Variants in DCDC1 observed in about 807,000 individuals in gnomAD.
DCDC1 encodes the protein doublecortin domain containing 1.
A neutral mutation model predicts 178.3 loss-of-function variants in DCDC1; 200 were observed. The ratio of observed to expected loss-of-function variants is 1.12; its 90% CI spans 1.00 to 1.26. The LOEUF is 1.26. Ranked by LOEUF, DCDC1 falls within the 50% of genes most tolerant of loss-of-function variation. The probability of loss-of-function intolerance (pLI) is 0.00; values close to 1 mark genes in which losing one functional copy is unlikely to be tolerated. For missense variants in DCDC1, 1,983 were observed against 1,749.2 expected, an observed-to-expected ratio of 1.13 and a Z score of -2.38; for synonymous variants, 690 against 604.8, an observed-to-expected ratio of 1.14 and a Z score of -2.07.
chr11:31,095,534 G>T (rs142748981), intron 15 of DCDC1, among the ~76,000 whole-genome samples: 1 of 152,186 alleles, frequency 6.6e-6, no homozygotes, highest in Non-Finnish European at 1.5e-5. Flanking sequence ...GAGGATAACA[G>T]ATTGTAGAAT....
intron 9 of DCDC1, among the ~76,000 whole-genome samples, chr11:31,234,757 G>A (rs1976246621): frequency 1.3e-5 from 2 of 152,130 alleles, no homozygotes; most frequent in South Asian, 4.1e-4. Flanking sequence ...AGAACAGATA[G>A]GATGTCAGGT....
intron 12 of DCDC1, among the ~76,000 whole-genome samples, chr11:31,109,022 G>A (rs1490964737): frequency 6.6e-6 from 1 of 151,950 alleles, no homozygotes; most frequent in African/African-American, 2.4e-5. Flanking sequence ...CCTAATTAAT[G>A]TTTTTGCCCC....
At chr11:31,347,448 A>T (rs1343388452) in intron 1 of DCDC1, among the ~76,000 whole-genome samples, 6 of 151,896 alleles carry the variant, frequency 4.0e-5, no homozygotes, top group African/African-American at 1.5e-4. Flanking sequence ...AATTACCTTG[A>T]TGTAATGGTA....
intron 3 of DCDC1, among the ~76,000 whole-genome samples, chr11:31,324,832 G>C (rs932876179): frequency 6.6e-6 from 1 of 152,162 alleles, no homozygotes; most frequent in South Asian, 2.1e-4. Context: ...TGATTGAATA[G>C]ATTAGGTGTC....
chr11:31,357,922 C>A (rs1951475258), intron 1 of DCDC1, among the ~76,000 whole-genome samples: 1 of 152,118 alleles, frequency 6.6e-6, no homozygotes, highest in Admixed American at 6.5e-5. Context: ...CAAACCACTG[C>A]TCAATGAAAT....
At position 31,305,521 on chromosome 11, in the gene DCDC1, A is replaced by G. The variant is rs1014824904; in HGVS notation, c.754+94T>C. On this transcript the variant is annotated intron_variant, in intron 6 of 38. Transcript: ENST00000684477. ...GCGTAAACATTAGTTTTGTTAAACC[A>G]TGCAAAAAAGACAGGATGAAAATCA... The G allele has an allele frequency of 2.7e-5, 40 of 1,482,628 alleles. 1 individual carries two copies. The highest frequency in any genetic ancestry group is 4.1e-5 in the Admixed American group (2 of 48,966). 91.8% of individuals were successfully genotyped at this position (1,482,628 alleles called of 1,614,324 possible).
At chr11:31,330,257 T>C (rs1159278361) in intron 2 of DCDC1, among the ~76,000 whole-genome samples, 1 of 152,104 alleles carries the variant, frequency 6.6e-6, no homozygotes, top group African/African-American at 2.4e-5. Context: ...GGTTTTTTTC[T>C]TGTAAATTTG....
intron 9 of DCDC1, among the ~76,000 whole-genome samples, chr11:31,223,696 TTA>T (rs1280099498): frequency 6.6e-6 from 1 of 152,148 alleles, no homozygotes; most frequent in Non-Finnish European, 1.5e-5. Flanking sequence ...CATAACATCT[TTA>T]TATTTCAGCA....
chr11:31,208,245 C>T (rs1327909844), intron 9 of DCDC1, among the ~76,000 whole-genome samples: 2 of 152,130 alleles, frequency 1.3e-5, no homozygotes, highest in African/African-American at 4.8e-5. Context: ...ACAATCTCCC[C>T]TTCACCCCAG....
intron 27 of DCDC1, among the ~76,000 whole-genome samples, chr11:30,912,996 A>G (rs1003185870): frequency 1.3e-5 from 2 of 152,234 alleles, no homozygotes; most frequent in African/African-American, 4.8e-5. Flanking sequence ...CATCCACATG[A>G]AAGAGAACAA....
chr11:31,096,699 A>T (rs1352718669), intron 15 of DCDC1, among the ~76,000 whole-genome samples: 1 of 135,704 alleles, frequency 7.4e-6, no homozygotes, highest in Non-Finnish European at 1.6e-5. Context: ...TTGTGTTATT[A>T]AAAAAAAAAA....
Position 31,333,937 on chromosome 11 carries a change from T to A in DCDC1, c.-7+1510A>T, listed in dbSNP as rs555927309. ...TGAATGTTGGCCTACTTTGCTAGGTTGGGGAAGTTCTCCTGGATAATATCC... is the reference window on the plus strand; with the variant it reads ...TGAATGTTGGCCTACTTTGCTAGGTAGGGGAAGTTCTCCTGGATAATATCC... On this transcript the variant is annotated intron_variant, in intron 2 of 38. Coordinates refer to ENST00000684477, the MANE Select transcript of DCDC1 (RefSeq NM_001387274.1). 3.9e-5 allele frequency among the ~76,000 whole-genome samples: 6 copies of A among 152,336 alleles called. No individual in the cohort carries two copies. The East Asian group carries it at 9.6e-4, about 24-fold the overall frequency.
At chr11:30,977,399 C>T (rs918504057) in intron 20 of DCDC1, among the ~76,000 whole-genome samples, 1 of 152,184 alleles carries the variant, frequency 6.6e-6, no homozygotes, top group Non-Finnish European at 1.5e-5. Flanking sequence ...CTGACTTGAT[C>T]ATTACACATT....
chr11:30,923,647 C>T (rs1335456801), intron 23 of DCDC1, among the ~76,000 whole-genome samples: 1 of 150,954 alleles, frequency 6.6e-6, no homozygotes, highest in Non-Finnish European at 1.5e-5. Context: ...GAGATGGAGT[C>T]TCACTCTGTA....
chr11:31,122,378 C>G (rs922201777), intron 11 of DCDC1, among the ~76,000 whole-genome samples: 2 of 152,050 alleles, frequency 1.3e-5, no homozygotes, highest in African/African-American at 4.8e-5. Context: ...ATTGTCAGTC[C>G]TGCCTATACA....
intron 20 of DCDC1, among the ~76,000 whole-genome samples, chr11:30,987,902 C>A (rs181479759): frequency 6.6e-5 from 10 of 152,188 alleles, no homozygotes; most frequent in African/African-American, 2.4e-4. Flanking sequence ...CCCAGGGAAG[C>A]CAAAAAATTG....
intron 3 of DCDC1, among the ~76,000 whole-genome samples, chr11:31,326,234 G>T (rs1236294468): frequency 6.6e-6 from 1 of 152,114 alleles, no homozygotes; most frequent in African/African-American, 2.4e-5. Flanking sequence ...CGGTAGGAAA[G>T]TGTCACATGA....
intron 5 of DCDC1, 82 bp from the exon 6 acceptor site, chr11:31,305,859 A>G: frequency 6.8e-7 from 1 of 1,471,638 alleles, no homozygotes; most frequent in Non-Finnish European, 9.1e-7. Flanking sequence ...GGTTCTAATG[A>G]TCAAAATAGA....
intron 1 of DCDC1, among the ~76,000 whole-genome samples, chr11:31,340,046 CT>C (rs1256677584): frequency 2.0e-5 from 3 of 152,096 alleles, no homozygotes; most frequent in Non-Finnish European, 4.4e-5. Context: ...TAATGTTTTA[CT>C]CTTCAAGGAA....
Sources: gnomAD v4.1 joint callset for allele counts (sites outside exome capture counted in the v4.1 genomes callset) on GRCh38, gnomAD v4.1.1 for gene constraint, MANE v1.5 for transcripts, NCBI Gene and HGNC (gene_info 2026-07-23, HGNC 2026-07-21) for gene names.